STRN: variants seen among roughly 807,000 people sequenced by gnomAD.
STRN encodes striatin.
A neutral mutation model predicts 96.3 loss-of-function variants in STRN; 53 were observed. The observed-to-expected ratio is 0.55, with a 90% CI of 0.44 to 0.69. STRN has a LOEUF of 0.69. STRN is among the 30% of genes least tolerant of loss of function. The pLI is 0.00. For synonymous variants in STRN, 428 were observed against 355.9 expected, an observed-to-expected ratio of 1.20 and a Z score of -2.28; for missense variants, 987 against 963.9, an observed-to-expected ratio of 1.02 and a Z score of -0.32.
At position 36,942,166 on chromosome 2, in the gene STRN, C is replaced by G. The variant is rs1039013767; in HGVS notation, c.235-16958G>C. Among the ~76,000 whole-genome samples the G allele has an allele frequency of 4.1e-4, 63 of 152,104 alleles. 3 individuals are homozygous for G. On this transcript the variant is annotated intron_variant, in intron 1 of 17. Coordinates refer to ENST00000263918, the MANE Select transcript of STRN (RefSeq NM_003162.4). ...AAGGAGACTTACTCCAAAAATAACC[C>G]AAACAGACCTTTTTGTTGCTTTTCC...
intron 10 of STRN, among the ~76,000 whole-genome samples, chr2:36,875,207 G>T (rs1220645888): frequency 6.6e-6 from 1 of 152,024 alleles, no homozygotes; most frequent in Non-Finnish European, 1.5e-5. Flanking sequence ...GTGGAAGGTT[G>T]AATAAAAAAT....
chr2:36,907,143 C>T (rs977458801), intron 3 of STRN, among the ~76,000 whole-genome samples: 6 of 152,284 alleles, frequency 3.9e-5, no homozygotes, highest in African/African-American at 1.4e-4. Flanking sequence ...AAAAAAAGTG[C>T]ATACTTTCCT....
intron 10 of STRN, among the ~76,000 whole-genome samples, chr2:36,874,085 T>A (rs1325677727): frequency 6.8e-6 from 1 of 147,622 alleles, no homozygotes; most frequent in Non-Finnish European, 1.5e-5. Flanking sequence ...GAAAACCCCA[T>A]CTCTACTAAA....
At chr2:36,851,342 G>C (rs757979204) in intron 15 of STRN, among the ~76,000 whole-genome samples, 1 of 152,038 alleles carries the variant, frequency 6.6e-6, no homozygotes, top group African/African-American at 2.4e-5. Flanking sequence ...AATTAGCCGA[G>C]TGTGGTGGTG....
At chr2:36,910,672 AAAAG>A (rs1182181413) in intron 3 of STRN, among the ~76,000 whole-genome samples, 1 of 152,238 alleles carries the variant, frequency 6.6e-6, no homozygotes, top group Non-Finnish European at 1.5e-5. Context: ...AAAAAGAAGG[AAAAG>A]AAACAAGAAC....
chr2:36,855,431 A>ATT, intron 14 of STRN, 79 bp from the exon 15 acceptor site: 1 of 1,474,510 alleles, frequency 6.8e-7, no homozygotes, highest in African/African-American at 1.4e-5. Context: ...CAAAACAAAA[A>ATT]ATGGCATGGT....
chr2:36,873,937 G>A (rs1183285455), intron 10 of STRN, among the ~76,000 whole-genome samples: 8 of 32,394 alleles, frequency 2.5e-4, no homozygotes, highest in South Asian at 2.8e-3. Context: ...GCGAGACTCC[G>A]CCTCAAAAAA....
At chr2:36,946,251 C>A (rs1482653190) in intron 1 of STRN, among the ~76,000 whole-genome samples, 1 of 150,414 alleles carries the variant, frequency 6.6e-6, no homozygotes, top group Non-Finnish European at 1.5e-5. Flanking sequence ...TTTTTTCTAC[C>A]TAAAACATCC....
intron 1 of STRN, among the ~76,000 whole-genome samples, chr2:36,939,301 G>C (rs1670784440): frequency 6.6e-6 from 1 of 152,072 alleles, no homozygotes; most frequent in South Asian, 2.1e-4. Flanking sequence ...AGCCACTCAG[G>C]GATCTCCCGT....
intron 1 of STRN, among the ~76,000 whole-genome samples, chr2:36,958,495 C>G (rs1664948783): frequency 1.3e-5 from 2 of 152,122 alleles, no homozygotes; most frequent in Non-Finnish European, 2.9e-5. Flanking sequence ...AAATGAACTT[C>G]AACAATAACC....
intron 1 of STRN, among the ~76,000 whole-genome samples, chr2:36,947,982 A>T (rs1202417260): frequency 2.6e-5 from 4 of 151,378 alleles, no homozygotes; most frequent in South Asian, 2.1e-4. Context: ...AATTTTTTTT[A>T]AATTAATTAT....
chr2:36,871,597 T>G (rs1015398816), intron 10 of STRN, among the ~76,000 whole-genome samples: 2 of 152,222 alleles, frequency 1.3e-5, no homozygotes, highest in African/African-American at 4.8e-5. Flanking sequence ...AAATACTACT[T>G]ATTTACAAAA....
At chr2:36,957,820 G>A (rs1462782033) in intron 1 of STRN, among the ~76,000 whole-genome samples, 10 of 121,544 alleles carry the variant, frequency 8.2e-5, no homozygotes, top group South Asian at 5.5e-4. Context: ...GTGCAATCTC[G>A]GCTCACTGCA....
intron 10 of STRN, 22 bp downstream of exon 10, chr2:36,877,869 C>G (rs1478878645): frequency 6.2e-7 from 1 of 1,611,680 alleles, no homozygotes; most frequent in Non-Finnish European, 8.5e-7. Context: ...GTAAACACAA[C>G]AAAAACAAAA....
intron 15 of STRN, 113 bp from the exon 16 acceptor site, chr2:36,851,220 C>A: frequency 1.2e-6 from 1 of 855,812 alleles, no homozygotes; most frequent in Non-Finnish European, 1.8e-6. Context: ...CGCGGTGGCT[C>A]ACGCCTGTAA....
chr2:36,839,555 C>A lies in STRN; in HGVS notation c.*9901G>T, dbSNP rs1380884771. On this transcript the variant is annotated 3_prime_UTR_variant, in exon 18 of 18. Coordinates refer to ENST00000263918, the MANE Select transcript of STRN (RefSeq NM_003162.4). ...GCTTATTTTATTAGGTGTTTTACAT[C>A]CGTTATCTCAAATCAACCTAATTAG... Among the ~76,000 whole-genome samples the A allele has an allele frequency of 6.6e-6, 1 of 152,156 alleles. No homozygotes were observed. The highest frequency in any genetic ancestry group is 1.5e-5 in the Non-Finnish European group (1 of 68,026).
At chr2:36,934,552 A>G (rs189341135) in intron 1 of STRN, among the ~76,000 whole-genome samples, 12 of 152,328 alleles carry the variant, frequency 7.9e-5, no homozygotes, top group Admixed American at 2.0e-4. Flanking sequence ...AACCAACATG[A>G]TTATCTGTTG....
Position 36,857,962 on chromosome 2 carries a change from A to G in STRN, c.1731T>C (p.Tyr577=), listed in dbSNP as rs367881468. 3.7e-6 allele frequency: 6 copies of G among 1,613,510 alleles called. No individual in the cohort carries two copies. In the African/African-American group the frequency reaches 5.3e-5, roughly 14 times the overall value. ...GHTDAVWGLA[Y]SAAHQRLLSC... is the part of the protein sequence containing the mutation. ...ACAACAAACGCTGATGTGCTGCACTATAAGCCAAACCCCAGACTGCATCCG... is the reference window on the plus strand; with the variant it reads ...ACAACAAACGCTGATGTGCTGCACTGTAAGCCAAACCCCAGACTGCATCCG... Residue 577 remains tyrosine (Y), a synonymous_variant, in exon 14 of 18, where the codon TAT becomes TAC. Coordinates refer to ENST00000263918, the MANE Select transcript of STRN (RefSeq NM_003162.4).
chr2:36,855,726 AG>A (rs1313937253), intron 14 of STRN, among the ~76,000 whole-genome samples: 2 of 152,324 alleles, frequency 1.3e-5, no homozygotes, highest in East Asian at 3.9e-4. Context: ...ATCTCTTATT[AG>A]GGATGTTAGC....
Sources: allele counts gnomAD v4.1 joint callset (sites outside exome capture counted in the v4.1 genomes callset), GRCh38; gene constraint gnomAD v4.1.1; transcripts MANE v1.5; gene names NCBI Gene and HGNC (gene_info 2026-07-23, HGNC 2026-07-21).